Variants in HAPSTR1 observed in about 807,000 individuals in gnomAD.
HAPSTR1 encodes the protein HUWE1 associated protein modifying stress responses.
At chr16:9,093,596 A>G in the HAPSTR1 span, among the ~76,000 whole-genome samples, 1 of 152,108 alleles carries the variant, frequency 6.6e-6, no homozygotes, top group Non-Finnish European at 1.5e-5. Context: ...TTCTCTAGCA[A>G]TTTGATCAAG....
chr16:9,112,671 C>T, the HAPSTR1 span: 1 of 152,186 alleles, frequency 6.6e-6, no homozygotes, highest in African/African-American at 2.4e-5. Flanking sequence ...TTTCTTATTG[C>T]CTAAGCATGA....
the HAPSTR1 span, chr16:9,116,874 A>G: frequency 1.9e-6 from 3 of 1,614,112 alleles, no homozygotes; most frequent in African/African-American, 4.0e-5. Flanking sequence ...CGATGTCATT[A>G]CAGACTCACC....
chr16:9,111,079 A>G, the HAPSTR1 span: 5 of 152,234 alleles, frequency 3.3e-5, no homozygotes, highest in African/African-American at 1.2e-4. Context: ...TACGAAAGAA[A>G]CGTCTTGCAG....
the HAPSTR1 span, chr16:9,092,037 C>T: frequency 8.1e-5 from 122 of 1,502,430 alleles, 1 homozygote; most frequent in Admixed American, 6.3e-4. Flanking sequence ...CGCGGGAGGC[C>T]GCGGAGGATG....
At chr16:9,103,247 A>G in the HAPSTR1 span, 1 of 1,613,084 alleles carries the variant, frequency 6.2e-7, no homozygotes, top group South Asian at 1.1e-5. Context: ...CCGGGAAGCC[A>G]TAGCTCTGCA....
the HAPSTR1 span, chr16:9,111,188 G>A: frequency 3.9e-5 from 6 of 152,264 alleles, no homozygotes; most frequent in African/African-American, 7.2e-5. Flanking sequence ...ACTCTCAGCA[G>A]TGTGTGGGAA....
the HAPSTR1 span, chr16:9,107,368 G>C: frequency 6.6e-6 from 1 of 152,258 alleles, no homozygotes; most frequent in Non-Finnish European, 1.5e-5. Flanking sequence ...GTGGTATGTG[G>C]AAGGTCTTCT....
chr16:9,095,752 TAATGTA>T, the HAPSTR1 span, among the ~76,000 whole-genome samples: 1 of 152,098 alleles, frequency 6.6e-6, no homozygotes, highest in Non-Finnish European at 1.5e-5. Flanking sequence ...ATTTGGAAGA[TAATGTA>T]AATGTAAGTT....
At chr16:9,092,004 C>CGCG in the HAPSTR1 span, 10 of 1,454,632 alleles carry the variant, frequency 6.9e-6, no homozygotes, top group African/African-American at 1.5e-5. Flanking sequence ...CTGAGGAGGA[C>CGCG]GCGGCGGCGG....
chr16:9,093,091 C>T, the HAPSTR1 span: 10 of 1,266,286 alleles, frequency 7.9e-6, no homozygotes, highest in South Asian at 3.8e-5. Flanking sequence ...TTTCTGCTCC[C>T]CAGCCCAGCT....
the HAPSTR1 span, among the ~76,000 whole-genome samples, chr16:9,113,386 G>C: frequency 2.0e-5 from 3 of 152,172 alleles, no homozygotes; most frequent in Admixed American, 1.3e-4. Flanking sequence ...AGAATTTTCA[G>C]ATTGACCAAA....
At chr16:9,095,193 T>G in the HAPSTR1 span, among the ~76,000 whole-genome samples, 1 of 152,212 alleles carries the variant, frequency 6.6e-6, no homozygotes, top group African/African-American at 2.4e-5. Flanking sequence ...TTGTGTCTTG[T>G]GGAATTTGAT....
chr16:9,109,987 G>C, the HAPSTR1 span: 2 of 151,938 alleles, frequency 1.3e-5, no homozygotes, highest in Non-Finnish European at 2.9e-5. Context: ...GTTTATTAGA[G>C]GTTAGGAGTA....
the HAPSTR1 span, chr16:9,092,354 C>CG: frequency 8.5e-7 from 1 of 1,171,248 alleles, no homozygotes; most frequent in Non-Finnish European, 1.1e-6. Context: ...GCGGCCGCTT[C>CG]GGGGGGCCGC....
chr16:9,117,194 G>A, the HAPSTR1 span: 1 of 365,028 alleles, frequency 2.7e-6, no homozygotes, highest in Non-Finnish European at 5.0e-6. Context: ...AAGGCTAAAA[G>A]TGACCTTAAC....
At chr16:9,105,614 CTG>C in the HAPSTR1 span, 22 of 152,170 alleles carry the variant, frequency 1.4e-4, no homozygotes, top group Non-Finnish European at 1.3e-4. Context: ...GAAGTGAAAA[CTG>C]TTAAGGTGCT....
At chr16:9,105,570 C>T in the HAPSTR1 span, 2 of 152,198 alleles carry the variant, frequency 1.3e-5, no homozygotes, top group African/African-American at 4.8e-5. Flanking sequence ...AGATTAGTGA[C>T]TTCAACTGGG....
the HAPSTR1 span, among the ~76,000 whole-genome samples, chr16:9,114,651 G>T: frequency 6.6e-6 from 1 of 152,108 alleles, no homozygotes; most frequent in Admixed American, 6.6e-5. Flanking sequence ...AAGAGATGAG[G>T]CCTAAGAGGC....
the HAPSTR1 span, among the ~76,000 whole-genome samples, chr16:9,098,683 A>AT: frequency 2.6e-5 from 4 of 152,138 alleles, no homozygotes; most frequent in South Asian, 2.1e-4. Flanking sequence ...AGAATAAAAT[A>AT]TTTTTCTGTG....
Sources: allele counts gnomAD v4.1 joint callset (sites outside exome capture counted in the v4.1 genomes callset), GRCh38; gene constraint gnomAD v4.1.1; transcripts MANE v1.5; gene names NCBI Gene and HGNC (gene_info 2026-07-23, HGNC 2026-07-21).